Variants in PRKG1 observed in about 807,000 individuals in gnomAD.
PRKG1 encodes protein kinase cGMP-dependent 1.
In PRKG1, 35 loss-of-function variants were observed where a neutral mutation model predicts 88.1. That is an observed-to-expected ratio of 0.40 (90% CI 0.30 to 0.53). The LOEUF is 0.53. Ranked by LOEUF, PRKG1 falls within the 20% of genes least tolerant of loss-of-function variation. The pLI is 0.59. For missense variants in PRKG1, 540 were observed against 839.8 expected (o/e 0.64, Z 4.41); for synonymous variants, 303 against 292.5 (o/e 1.04, Z -0.37).
At chr10:51,101,217 T>C (rs1353176932) in intron 1 of PRKG1, among the ~76,000 whole-genome samples, 2 of 152,150 alleles carry the variant, frequency 1.3e-5, no homozygotes, top group Non-Finnish European at 2.9e-5. Context: ...GAGGCCCTGA[T>C]ATGATAGAAT....
At position 51,873,620 on chromosome 10, in the gene PRKG1, C is replaced by T. The variant is rs928855911; in HGVS notation, c.699-33887C>T. Among the ~76,000 whole-genome samples the T allele has an allele frequency of 1.3e-4, 19 of 151,574 alleles. No individual in the cohort carries two copies. The East Asian group carries it at 3.3e-3, about 26-fold the overall frequency. ...TCAGCTCACTGCAACCTCTGCCTCC[C>T]GGGTTTAAGCAATTCTCTCACCTCA... On this transcript the variant is annotated intron_variant, in intron 4 of 17. Coordinates refer to ENST00000373980, the MANE Select transcript of PRKG1 (RefSeq NM_006258.4).
chr10:51,882,287 C>T (rs1035932615), intron 4 of PRKG1, among the ~76,000 whole-genome samples: 1 of 152,186 alleles, frequency 6.6e-6, no homozygotes, highest in African/African-American at 2.4e-5. Flanking sequence ...GGGGCTCTTT[C>T]TCCAACCAGG....
At chr10:51,019,553 A>T (rs1843107947) in intron 1 of PRKG1, among the ~76,000 whole-genome samples, 1 of 152,164 alleles carries the variant, frequency 6.6e-6, no homozygotes, top group African/African-American at 2.4e-5. Context: ...TTAGAATAAA[A>T]CATATGGGGA....
intron 10 of PRKG1, among the ~76,000 whole-genome samples, chr10:52,255,731 C>A (rs1006673888): frequency 6.6e-6 from 1 of 151,926 alleles, no homozygotes; most frequent in Non-Finnish European, 1.5e-5. Context: ...AGGAACAAGA[C>A]GTCTTGCAGG....
At chr10:51,706,576 A>T (rs1554834050) in intron 3 of PRKG1, among the ~76,000 whole-genome samples, 1 of 152,156 alleles carries the variant, frequency 6.6e-6, no homozygotes, top group Non-Finnish European at 1.5e-5. Context: ...AAGAAATTAG[A>T]CCAGGCTCAA....
chr10:51,470,191 G>C (rs976090400), intron 3 of PRKG1, among the ~76,000 whole-genome samples: 1 of 151,720 alleles, frequency 6.6e-6, no homozygotes, highest in African/African-American at 2.4e-5. Flanking sequence ...ATAAAAACAT[G>C]TCTTCAAATT....
intron 7 of PRKG1, among the ~76,000 whole-genome samples, chr10:52,118,783 AAGTC>A (rs1847748451): frequency 6.6e-6 from 1 of 152,034 alleles, no homozygotes; most frequent in African/African-American, 2.4e-5. Flanking sequence ...CTAAATGATA[AAGTC>A]ACTAAAAATT....
chr10:52,195,130 C>T (rs186388337), intron 9 of PRKG1, among the ~76,000 whole-genome samples: 21 of 152,124 alleles, frequency 1.4e-4, no homozygotes, highest in African/African-American at 4.8e-4. Flanking sequence ...GGCATAACTC[C>T]TATATAAATG....
At chr10:51,544,841 A>G (rs1303492736) in intron 3 of PRKG1, among the ~76,000 whole-genome samples, 1 of 152,190 alleles carries the variant, frequency 6.6e-6, no homozygotes, top group African/African-American at 2.4e-5. Flanking sequence ...TACAAGAAAA[A>G]AATCAAACAG....
intron 9 of PRKG1, among the ~76,000 whole-genome samples, chr10:52,211,699 TAAAA>T (rs57320498): frequency 8.3e-6 from 1 of 119,966 alleles, no homozygotes; most frequent in African/African-American, 3.1e-5. Flanking sequence ...CCTATCCTGG[TAAAA>T]AAAAAAAAAA....
chr10:51,158,900 T>G (rs1846286957), intron 2 of PRKG1, among the ~76,000 whole-genome samples: 1 of 152,012 alleles, frequency 6.6e-6, no homozygotes, highest in Non-Finnish European at 1.5e-5. Flanking sequence ...TAACTCTAAG[T>G]GTTATGTGAT....
At chr10:51,870,116 G>A (rs1299847288) in intron 4 of PRKG1, among the ~76,000 whole-genome samples, 1 of 152,022 alleles carries the variant, frequency 6.6e-6, no homozygotes, top group Non-Finnish European at 1.5e-5. Flanking sequence ...TGTCTGTGAT[G>A]GCTTTTTCTT....
chr10:52,276,445 CT>C (rs1445259207), intron 12 of PRKG1, among the ~76,000 whole-genome samples: 1 of 152,144 alleles, frequency 6.6e-6, no homozygotes, highest in African/African-American at 2.4e-5. Flanking sequence ...TGCTTAGCTC[CT>C]GTTACATTCT....
chr10:51,128,874 C>T (rs926726554), intron 1 of PRKG1, among the ~76,000 whole-genome samples: 12 of 152,040 alleles, frequency 7.9e-5, no homozygotes, highest in Non-Finnish European at 1.6e-4. Flanking sequence ...GCAACAAAGA[C>T]GTTAATTCGA....
At chr10:51,510,365 C>T (rs531903072) in intron 3 of PRKG1, among the ~76,000 whole-genome samples, 178 of 152,200 alleles carry the variant, frequency 1.2e-3, no homozygotes, top group African/African-American at 4.3e-3. Flanking sequence ...ACTCTCTTAG[C>T]AAATTTCAAA....
At chr10:51,503,720 T>G (rs1841106425) in intron 3 of PRKG1, among the ~76,000 whole-genome samples, 1 of 151,756 alleles carries the variant, frequency 6.6e-6, no homozygotes, top group Non-Finnish European at 1.5e-5. Context: ...TGGGTAAAAA[T>G]AAAAAGGTAG....
Position 52,098,113 on chromosome 10 carries a change from A to G in PRKG1, c.935+35482A>G, listed in dbSNP as rs548365335. 6.6e-5 allele frequency among the ~76,000 whole-genome samples: 10 copies of G among 152,316 alleles called. No homozygotes were observed. In the South Asian group the frequency reaches 2.1e-3, roughly 32 times the overall value. On this transcript the variant is annotated intron_variant, in intron 7 of 17. Transcript: ENST00000373980. ...GTTAAAAGGAAGAAAATGTTACAGT[A>G]GGTTAATTCAGCATGTACTGAAAAT...
chr10:51,633,068 A>C (rs1433903606), intron 3 of PRKG1, among the ~76,000 whole-genome samples: 3 of 152,206 alleles, frequency 2.0e-5, no homozygotes, highest in Non-Finnish European at 4.4e-5. Flanking sequence ...AAAGCTAATC[A>C]GCAAGTGATT....
intron 2 of PRKG1, among the ~76,000 whole-genome samples, chr10:51,439,451 C>T (rs1839033319): frequency 6.6e-6 from 1 of 151,816 alleles, no homozygotes. Context: ...GCTTCTCACC[C>T]CTCTCTGGCA....
Sources: gnomAD v4.1 joint callset for allele counts (sites outside exome capture counted in the v4.1 genomes callset) on GRCh38, gnomAD v4.1.1 for gene constraint, MANE v1.5 for transcripts, NCBI Gene and HGNC (gene_info 2026-07-23, HGNC 2026-07-21) for gene names.